Variants in CEP70 observed in about 807,000 individuals in gnomAD.
CEP70 encodes the protein centrosomal protein 70.
In CEP70, 70 loss-of-function variants were observed where a neutral mutation model predicts 90.9. The observed-to-expected ratio is 0.77, with a 90% CI of 0.64 to 0.94. The LOEUF is 0.94. Among genes scored for constraint, CEP70 ranks in the 40% least tolerant of loss-of-function variants. The probability of loss-of-function intolerance (pLI) is 0.00; values close to 1 mark genes in which losing one functional copy is unlikely to be tolerated. For synonymous variants in CEP70, 220 were observed against 228.3 expected (o/e 0.96, Z 0.33); for missense variants, 648 against 669.0 (o/e 0.97, Z 0.35).
At chr3:138,509,161 C>G (rs2035284758) in intron 11 of CEP70, among the ~76,000 whole-genome samples, 1 of 152,172 alleles carries the variant, frequency 6.6e-6, no homozygotes, top group South Asian at 2.1e-4. Context: ...AACCACCCCC[C>G]AGCACCCACA....
chr3:138,497,921 T>C (rs1285238204), intron 17 of CEP70, 110 bp downstream of exon 17: 2 of 1,523,292 alleles, frequency 1.3e-6, no homozygotes, highest in Non-Finnish European at 8.8e-7. Context: ...CTGTTAGTGG[T>C]TTCCAACCAC....
chr3:138,510,121 C>T lies in CEP70; in HGVS notation c.945-1577G>A, dbSNP rs566402194. On this transcript the variant is annotated intron_variant, in intron 11 of 17. Transcript: ENST00000264982. ...GAATAAGAAATCTGGGCTAGTTTTG[C>T]TGTTGGACCTCAAACTGCAAAAGTT... Among the ~76,000 whole-genome samples, 7 of 152,072 alleles carry T rather than the reference C, an allele frequency of 4.6e-5. No individual in the cohort carries two copies. In the East Asian group the frequency reaches 1.4e-3, roughly 29 times the overall value.
At chr3:138,568,695 C>A (rs1226292288) in intron 6 of CEP70, among the ~76,000 whole-genome samples, 3 of 152,084 alleles carry the variant, frequency 2.0e-5, no homozygotes, top group Admixed American at 1.3e-4. Flanking sequence ...ACAAAGCCAA[C>A]CTAGGCCGGG....
At chr3:138,570,577 AT>A (rs1308309024) in intron 5 of CEP70, 79 bp from the exon 6 acceptor site, 2 of 1,093,146 alleles carry the variant, frequency 1.8e-6, no homozygotes, top group Admixed American at 2.7e-5. Flanking sequence ...ATAAGAATGT[AT>A]TGCCTTTCTA....
intron 8 of CEP70, chr3:138,530,555 T>C (rs1269465512): frequency 2.0e-6 from 2 of 984,818 alleles, no homozygotes; most frequent in African/African-American, 1.7e-5. Context: ...CTTAAAAAAA[T>C]GGACAAGCAG....
chr3:138,588,789 G>T (rs139867244), intron 2 of CEP70, among the ~76,000 whole-genome samples: 1 of 152,138 alleles, frequency 6.6e-6, no homozygotes, highest in African/African-American at 2.4e-5. Context: ...ACAAATGTTC[G>T]TAAGAGCTTT....
rs7629985 is a variant in CEP70 at position 138,517,449 on chromosome 3, C to A, written c.944+8041G>T. ...CTTTGGGAGGCAGAGGCGGGTGGATCACGAGGTCAGGAGATCCACACAGTG... is the reference window on the plus strand; with the variant it reads ...CTTTGGGAGGCAGAGGCGGGTGGATAACGAGGTCAGGAGATCCACACAGTG... On this transcript the variant is annotated intron_variant, in intron 11 of 17. Coordinates refer to ENST00000264982, the MANE Select transcript of CEP70 (RefSeq NM_024491.4). Among the ~76,000 whole-genome samples, 716 of 151,772 alleles carry A rather than the reference C, an allele frequency of 4.7e-3. 4 individuals carry two copies. The highest frequency in any genetic ancestry group is 0.017 in the African/African-American group (689 of 41,358).
chr3:138,583,476 G>A (rs922942424), intron 2 of CEP70, among the ~76,000 whole-genome samples: 3 of 152,072 alleles, frequency 2.0e-5, no homozygotes, highest in South Asian at 2.1e-4. Context: ...ATTTACAGAC[G>A]TTTCATCCAA....
intron 6 of CEP70, among the ~76,000 whole-genome samples, chr3:138,566,030 CT>C (rs2040761024): frequency 6.6e-6 from 1 of 152,126 alleles, no homozygotes; most frequent in African/African-American, 2.4e-5. Context: ...TGAACAGACA[CT>C]TGTCAAAAGA....
At chr3:138,560,626 G>A (rs780020737) in intron 6 of CEP70, among the ~76,000 whole-genome samples, 43 of 152,104 alleles carry the variant, frequency 2.8e-4, no homozygotes, top group Non-Finnish European at 5.0e-4. Context: ...ATGCTGGCTT[G>A]AAATTCTCAC....
At chr3:138,509,332 T>C (rs1576555783) in intron 11 of CEP70, among the ~76,000 whole-genome samples, 1 of 152,182 alleles carries the variant, frequency 6.6e-6, no homozygotes, top group Non-Finnish European at 1.5e-5. Context: ...CCTCTCTCTT[T>C]GTATTCTACC....
chr3:138,532,389 AAG>A (rs2037903818), intron 8 of CEP70, 123 bp downstream of exon 8: 2 of 760,502 alleles, frequency 2.6e-6, no homozygotes, highest in East Asian at 3.7e-5. Flanking sequence ...CTTTATAAAA[AAG>A]AACTTCACAG....
chr3:138,548,939 T>C (rs1424053369), intron 6 of CEP70, among the ~76,000 whole-genome samples: 1 of 152,128 alleles, frequency 6.6e-6, no homozygotes, highest in East Asian at 1.9e-4. Flanking sequence ...ATACCCTCAC[T>C]GGGGAACCTG....
At chr3:138,576,506 G>A (rs1181819884) in intron 2 of CEP70, among the ~76,000 whole-genome samples, 2 of 152,098 alleles carry the variant, frequency 1.3e-5, no homozygotes, top group African/African-American at 4.8e-5. Flanking sequence ...AATAATAGGA[G>A]ACTTTAACAC....
chr3:138,566,674 A>G (rs1386448160), intron 6 of CEP70, among the ~76,000 whole-genome samples: 1 of 151,722 alleles, frequency 6.6e-6, no homozygotes, highest in Admixed American at 6.6e-5. Flanking sequence ...CTTGGGGGCT[A>G]GGGGAGGGAT....
At chr3:138,573,699 T>C (rs1280053043) in intron 2 of CEP70, among the ~76,000 whole-genome samples, 2 of 152,146 alleles carry the variant, frequency 1.3e-5, no homozygotes, top group Non-Finnish European at 2.9e-5. Flanking sequence ...TAATGAGATC[T>C]TGTGAAGTAT....
chr3:138,559,638 T>C (rs748608406), intron 6 of CEP70, among the ~76,000 whole-genome samples: 2 of 152,112 alleles, frequency 1.3e-5, no homozygotes, highest in Non-Finnish European at 2.9e-5. Context: ...GGTGGGAGGA[T>C]CACTTGATCC....
intron 2 of CEP70, among the ~76,000 whole-genome samples, chr3:138,578,042 C>T (rs1468919529): frequency 6.6e-6 from 1 of 152,188 alleles, no homozygotes; most frequent in Non-Finnish European, 1.5e-5. Flanking sequence ...CAGGTCTTCC[C>T]TATACATGGG....
chr3:138,514,152 G>T (rs921123418), intron 11 of CEP70, among the ~76,000 whole-genome samples: 4 of 152,084 alleles, frequency 2.6e-5, no homozygotes, highest in African/African-American at 9.7e-5. Context: ...CTTTCTTGGG[G>T]GCTTTGGAAT....
Sources: allele counts gnomAD v4.1 joint callset (sites outside exome capture counted in the v4.1 genomes callset), GRCh38; gene constraint gnomAD v4.1.1; transcripts MANE v1.5; gene names NCBI Gene and HGNC (gene_info 2026-07-23, HGNC 2026-07-21).